The following EVI5 variants were observed in gnomAD, a reference collection of about 807,000 sequenced individuals.
EVI5 encodes ecotropic viral integration site 5, also known as ecotropic viral integration site 5 protein homolog.
In EVI5, 73 loss-of-function variants were observed where a neutral mutation model predicts 112.0. The ratio of observed to expected loss-of-function variants is 0.65; its 90% CI spans 0.54 to 0.79. The LOEUF (loss-of-function observed/expected upper bound fraction) is 0.79, where lower values mean the gene tolerates loss of function less well. Ranked by LOEUF, EVI5 falls within the 30% of genes least tolerant of loss-of-function variation. The pLI is 0.00. For missense variants in EVI5, 900 were observed against 968.8 expected, an observed-to-expected ratio of 0.93 and a Z score of 0.94; for synonymous variants, 305 against 319.9, an observed-to-expected ratio of 0.95 and a Z score of 0.50.
At chr1:92,687,707 C>A (rs111807611) in intron 9 of EVI5, among the ~76,000 whole-genome samples, 30,347 of 151,956 alleles carry the variant, frequency 0.2, 3,551 homozygotes, top group Non-Finnish European at 0.26. Context: ...AAAGACAACT[C>A]CATCAAAAAG....
chr1:92,668,865 T>C (rs1375422114), intron 10 of EVI5, among the ~76,000 whole-genome samples: 1 of 152,222 alleles, frequency 6.6e-6, no homozygotes, highest in African/African-American at 2.4e-5. Context: ...TAATACCTAG[T>C]AGAGCTAATA....
Position 92,513,597 on chromosome 1 carries a change from C to T in EVI5, c.*59G>A, listed in dbSNP as rs1401136067. On this transcript the variant is annotated 3_prime_UTR_variant, in exon 20 of 20. Transcript: ENST00000684568. The stretch of plus-strand genomic sequence containing the variant: ...TATGAAACAAATTATTTCCAAAAAG[C>T]CCTAATCATATGATAACTGATCCCT... 1.1e-6 allele frequency: 1 copy of T among 894,450 alleles called. No individual in the cohort carries two copies. Among genetic ancestry groups the T allele is most frequent in the Non-Finnish European group, 1.6e-6 (1 of 626,046 alleles). 55.4% of individuals were successfully genotyped at this position (894,450 alleles called of 1,614,324 possible).
intron 19 of EVI5, among the ~76,000 whole-genome samples, chr1:92,548,885 T>C (rs1275391654): frequency 6.6e-6 from 1 of 152,132 alleles, no homozygotes; most frequent in Non-Finnish European, 1.5e-5. Context: ...TGCTCATGGA[T>C]AGGAAGAATC....
intron 14 of EVI5, among the ~76,000 whole-genome samples, chr1:92,630,604 C>G (rs917659868): frequency 6.6e-6 from 1 of 152,076 alleles, no homozygotes; most frequent in Non-Finnish European, 1.5e-5. Flanking sequence ...AAAATTTTCT[C>G]CCATTCTGTA....
intron 19 of EVI5, among the ~76,000 whole-genome samples, chr1:92,514,852 A>G (rs1325649872): frequency 6.6e-6 from 1 of 152,222 alleles, no homozygotes; most frequent in East Asian, 1.9e-4. Flanking sequence ...ATAGTTCTGT[A>G]AATGATGAAA....
intron 2 of EVI5, among the ~76,000 whole-genome samples, chr1:92,705,579 T>C (rs1671832079): frequency 6.6e-6 from 1 of 152,190 alleles, no homozygotes; most frequent in Non-Finnish European, 1.5e-5. Flanking sequence ...ACTCATAAGG[T>C]CCCTGTTGAA....
At chr1:92,781,125 C>T (rs560406198) in intron 1 of EVI5, among the ~76,000 whole-genome samples, 1 of 152,022 alleles carries the variant, frequency 6.6e-6, no homozygotes, top group East Asian at 2.0e-4. Flanking sequence ...GCTGGGATTT[C>T]AGGCATGAGC....
chr1:92,570,467 G>A (rs2100986153), intron 18 of EVI5, among the ~76,000 whole-genome samples: 1 of 152,296 alleles, frequency 6.6e-6, no homozygotes, highest in South Asian at 2.1e-4. Flanking sequence ...CCAACTTGGA[G>A]AAAAGTATCT....
At chr1:92,758,870 G>A (rs1314123590) in intron 1 of EVI5, among the ~76,000 whole-genome samples, 1 of 151,770 alleles carries the variant, frequency 6.6e-6, no homozygotes, top group South Asian at 2.1e-4. Flanking sequence ...AGATGATCAA[G>A]AGCAGATAGA....
At chr1:92,785,106 CCCAAGG>C in exon 1 of EVI5, 1 of 985,422 alleles carries the variant, frequency 1.0e-6, no homozygotes, top group Non-Finnish European at 1.2e-6. Context: ...GTCAGGAGAG[CCCAAGG>C]CGCAGGCGCG....
At chr1:92,611,974 C>T (rs1330738519) in intron 16 of EVI5, among the ~76,000 whole-genome samples, 1 of 151,780 alleles carries the variant, frequency 6.6e-6, no homozygotes, top group Non-Finnish European at 1.5e-5. Flanking sequence ...AAATAACTGA[C>T]TAACAGGTGA....
At chr1:92,694,479 G>C (rs1167928596) in intron 7 of EVI5, 91 bp from the exon 8 acceptor site, 7 of 739,344 alleles carry the variant, frequency 9.5e-6, no homozygotes, top group Non-Finnish European at 1.6e-5. Flanking sequence ...TAAACATTTA[G>C]GGATCTAAAC....
intron 2 of EVI5, among the ~76,000 whole-genome samples, chr1:92,725,476 T>A (rs752596947): frequency 6.6e-6 from 1 of 152,116 alleles, no homozygotes; most frequent in African/African-American, 2.4e-5. Context: ...CACGACAAGA[T>A]AAAATTCACA....
rs755812556 is a variant in EVI5 at position 92,513,795 on chromosome 1, G to A, written c.2342C>T (p.Ser781Leu). The change falls in exon 20 of 20, where the codon TCG (serine) becomes TTG (leucine). Residue 781 changes from serine to leucine, a missense_variant. Coordinates refer to ENST00000684568, the MANE Select transcript of EVI5 (RefSeq NM_001350197.2). The part of the protein sequence containing the change: ...VGFPLHGKSG[S>L]MSLDPAVADG... Reference sequence around the variant, plus strand: ...TGCCACTGCGGGGTCCAAAGACATCGAACCAGATTTTCCGTGCAAAGGAAA... The same window carrying A: ...TGCCACTGCGGGGTCCAAAGACATCAAACCAGATTTTCCGTGCAAAGGAAA... The A allele has an allele frequency of 1.3e-5, 21 of 1,613,348 alleles. No individual in the cohort carries two copies. Among genetic ancestry groups the A allele is most frequent in the Admixed American group, 6.7e-5 (4 of 59,918 alleles).
In EVI5 at chr1:92,510,441, C is replaced by T. The variant is rs200970582; in HGVS notation, c.*3215G>A. 44 of 152,280 alleles carry T rather than the reference C, an allele frequency of 2.9e-4. No homozygotes were observed. Among genetic ancestry groups the T allele is most frequent in the African/African-American group, 9.9e-4 (41 of 41,554 alleles). The allele number at this position is 152,280 out of a possible 1,614,324, so 9.4% of individuals were successfully genotyped here. A position where few individuals can be genotyped will look rare whatever the true frequency, so the allele number is the denominator to read the frequency against. ...TCATATAAAATGGCTGGCATGTTTT[C>T]CCTTTTGAATAGTTCTGATTATAAT... On this transcript the variant is annotated 3_prime_UTR_variant, in exon 20 of 20. Transcript: ENST00000684568.
intron 2 of EVI5, among the ~76,000 whole-genome samples, chr1:92,719,013 A>C (rs1317484045): frequency 1.3e-5 from 2 of 152,210 alleles, no homozygotes; most frequent in Non-Finnish European, 1.5e-5. Flanking sequence ...CGAATCTCTG[A>C]ATATACCAAT....
chr1:92,780,443 C>T (rs1272001930), intron 1 of EVI5, among the ~76,000 whole-genome samples: 1 of 93,376 alleles, frequency 1.1e-5, no homozygotes, highest in Non-Finnish European at 2.5e-5. Flanking sequence ...CTGCCCACAG[C>T]CCACTTTCTT....
chr1:92,524,323 C>G (rs1434209129), intron 19 of EVI5, among the ~76,000 whole-genome samples: 2 of 152,072 alleles, frequency 1.3e-5, no homozygotes, highest in Non-Finnish European at 2.9e-5. Flanking sequence ...TTAAGAAAAT[C>G]TGATAAGGGT....
chr1:92,671,236 A>G (rs10747451), intron 10 of EVI5, among the ~76,000 whole-genome samples: 140,154 of 152,182 alleles, frequency 0.92, 64,615 homozygotes, highest in East Asian at 0.97. Context: ...TGCAATGGTC[A>G]TTTCTCCATC....
Sources: allele counts gnomAD v4.1 joint callset (sites outside exome capture counted in the v4.1 genomes callset), GRCh38; gene constraint gnomAD v4.1.1; transcripts MANE v1.5; gene names NCBI Gene and HGNC (gene_info 2026-07-23, HGNC 2026-07-21).